Variants in TENM3 observed in about 807,000 individuals in gnomAD.
TENM3 encodes teneurin transmembrane protein 3.
A neutral mutation model predicts 255.1 loss-of-function variants in TENM3; 63 were observed. That is an observed-to-expected ratio of 0.25 (90% confidence interval 0.20 to 0.30). The LOEUF is 0.30. Ranked by LOEUF, TENM3 falls within the 10% of genes least tolerant of loss-of-function variation. TENM3 has a pLI of 1.00. For synonymous variants in TENM3, 1,306 were observed against 1,322.3 expected (o/e 0.99, Z 0.27); for missense variants, 2,929 against 3,461.1 (o/e 0.85, Z 3.86).
At chr4:181,865,691 T>A in the TENM3 span, among the ~76,000 whole-genome samples, 7 of 152,234 alleles carry the variant, frequency 4.6e-5, no homozygotes, top group Non-Finnish European at 8.8e-5. Context: ...TTTTCCACTC[T>A]GTCTATTTTC....
chr4:182,450,543 A>T (rs1025767441), intron 3 of TENM3, among the ~76,000 whole-genome samples: 15 of 152,224 alleles, frequency 9.9e-5, no homozygotes, highest in Admixed American at 6.5e-5. Context: ...TGATTTACAC[A>T]ATGTGATGAT....
chr4:182,366,781 T>TA (rs34038961), intron 3 of TENM3, among the ~76,000 whole-genome samples: 44 of 152,036 alleles, frequency 2.9e-4, no homozygotes, highest in Non-Finnish European at 1.9e-4. Context: ...TTAGACACTG[T>TA]AAAAAAAATG....
chr4:182,043,977 G>A, the TENM3 span, among the ~76,000 whole-genome samples: 2 of 152,032 alleles, frequency 1.3e-5, no homozygotes, highest in Non-Finnish European at 2.9e-5. Context: ...TTCCCACACT[G>A]GAAGCTTCTC....
intron 1 of TENM3, among the ~76,000 whole-genome samples, chr4:182,299,563 C>A (rs1210471642): frequency 6.6e-6 from 1 of 152,182 alleles, no homozygotes; most frequent in Non-Finnish European, 1.5e-5. Context: ...GCATCAAGGT[C>A]ACAGAAATTA....
the TENM3 span, among the ~76,000 whole-genome samples, chr4:181,479,808 C>A: frequency 6.6e-6 from 1 of 152,050 alleles, no homozygotes; most frequent in South Asian, 2.1e-4. Context: ...AGTTCAGTTC[C>A]TTCAGCTATC....
the TENM3 span, among the ~76,000 whole-genome samples, chr4:182,065,939 G>T: frequency 6.6e-6 from 1 of 152,234 alleles, no homozygotes; most frequent in Non-Finnish European, 1.5e-5. Context: ...TTTGGCTGTT[G>T]TTAACAGTGC....
the TENM3 span, among the ~76,000 whole-genome samples, chr4:181,869,488 A>G: frequency 1.3e-5 from 2 of 152,126 alleles, no homozygotes; most frequent in Non-Finnish European, 2.9e-5. Context: ...TAAAATTGGT[A>G]TTAAATAATT....
At chr4:181,789,629 A>C in the TENM3 span, among the ~76,000 whole-genome samples, 2 of 152,088 alleles carry the variant, frequency 1.3e-5, no homozygotes, top group Non-Finnish European at 2.9e-5. Context: ...GGAGCTGGTG[A>C]CCAGAAAGAC....
At chr4:182,553,657 A>G (rs1742298414) in intron 3 of TENM3, among the ~76,000 whole-genome samples, 1 of 152,170 alleles carries the variant, frequency 6.6e-6, no homozygotes. Context: ...GCTAGGGACG[A>G]TGTCTACTAA....
At position 182,518,658 on chromosome 4, in the gene TENM3, C is replaced by T. The variant is rs1738248407; in HGVS notation, c.512-82266C>T. Among the ~76,000 whole-genome samples, 2 of 152,166 alleles carry T rather than the reference C, an allele frequency of 1.3e-5. 1 individual carries two copies. Among genetic ancestry groups the T allele is most frequent in the East Asian group, 3.9e-4 (2 of 5,172 alleles). Reference sequence around the variant, plus strand: ...GATGAATTGCAAGGAAATCCCCAAACTCTAGATGAGAACTGCAGCTCAGCT... The same window carrying T: ...GATGAATTGCAAGGAAATCCCCAAATTCTAGATGAGAACTGCAGCTCAGCT... On this transcript the variant is annotated intron_variant, in intron 3 of 27. Coordinates refer to ENST00000511685, the MANE Select transcript of TENM3 (RefSeq NM_001080477.4).
At chr4:181,450,992 G>A in the TENM3 span, among the ~76,000 whole-genome samples, 2 of 152,218 alleles carry the variant, frequency 1.3e-5, no homozygotes, top group East Asian at 1.9e-4. Context: ...AGGTGTTGGG[G>A]GTCATGGAGC....
chr4:182,152,236 C>G (rs1750400910), intron 1 of TENM3, among the ~76,000 whole-genome samples: 1 of 151,808 alleles, frequency 6.6e-6, no homozygotes, highest in South Asian at 2.1e-4. Flanking sequence ...GATGTTATCC[C>G]TCAAATTTAA....
At chr4:182,005,282 C>T in the TENM3 span, among the ~76,000 whole-genome samples, 2 of 152,182 alleles carry the variant, frequency 1.3e-5, no homozygotes, top group African/African-American at 4.8e-5. Context: ...CAGTTTTCTG[C>T]ATAGGGGTAG....
chr4:182,207,860 T>C (rs1455126024), intron 1 of TENM3, among the ~76,000 whole-genome samples: 1 of 152,228 alleles, frequency 6.6e-6, no homozygotes, highest in Non-Finnish European at 1.5e-5. Flanking sequence ...CTGCCTTTGG[T>C]ACCTTCTTTT....
chr4:181,964,614 G>A, the TENM3 span, among the ~76,000 whole-genome samples: 1 of 151,686 alleles, frequency 6.6e-6, no homozygotes, highest in South Asian at 2.1e-4. Context: ...TAGCCATTCT[G>A]ATCTCAAATT....
chr4:182,754,754 G>C lies in TENM3; in HGVS notation c.4387G>C (p.Asp1463His). ...CAACTGTGACTGTTACCAGAGTGGA[G>C]ATGGCTACGCCAAGGATGCCAAACT... Reference protein sequence around the residue: ...DANCDCYQSGDGYAKDAKLSA... With the variant: ...DANCDCYQSGHGYAKDAKLSA... The change falls in exon 22 of 28, where the codon GAT (aspartate) becomes CAT (histidine). Residue 1463 changes from aspartate to histidine, a missense_variant. Physicochemically the swap from Asp to His is moderately conservative, Grantham distance 81. Around this residue, in one of 6 missense-constraint regions of TENM3, gnomAD observed 1,608 missense variants for 1,884.4 expected, o/e 0.85. Coordinates refer to ENST00000511685, the MANE Select transcript of TENM3 (RefSeq NM_001080477.4). This position sits in a 1 kb window ranked among gnomAD's most constrained non-coding sequence, Gnocchi z 5.1. The C allele has an allele frequency of 6.2e-7, 1 of 1,614,100 alleles. No homozygotes were observed. Among genetic ancestry groups the C allele is most frequent in the Non-Finnish European group, 8.5e-7 (1 of 1,179,912 alleles).
In TENM3 at chr4:182,800,543, A is replaced by G. The variant is rs1195176934; in HGVS notation, c.*192A>G. ...CCTTAAAGGTGATCGGCTTTAACGA[A>G]TATGTTTACATATGCATAGCGCTGC... On this transcript the variant is annotated 3_prime_UTR_variant, in exon 28 of 28. Transcript: ENST00000511685. The G allele has an allele frequency of 1.6e-5, 10 of 607,430 alleles. No individual in the cohort carries two copies. Among genetic ancestry groups the G allele is most frequent in the East Asian group, 1.6e-4 (5 of 31,064 alleles). The allele number at this position is 607,430 out of a possible 1,614,324, so 37.6% of individuals were successfully genotyped here.
At chr4:182,199,191 C>T (rs1331855062) in intron 1 of TENM3, among the ~76,000 whole-genome samples, 2 of 152,106 alleles carry the variant, frequency 1.3e-5, no homozygotes, top group Non-Finnish European at 2.9e-5. Context: ...AGGCCGGGCA[C>T]GGTGGCTCAC....
At position 182,383,114 on chromosome 4, in the gene TENM3, C is replaced by T. The variant is rs115542238; in HGVS notation, c.511+36185C>T. ...TATGGAACGAGTGGGGATTTACAGC[C>T]AAAGAACAGGTGTGGAGTCGGGGTG... On this transcript the variant is annotated intron_variant, in intron 3 of 27. Coordinates refer to ENST00000511685, the MANE Select transcript of TENM3 (RefSeq NM_001080477.4). Among the ~76,000 whole-genome samples the T allele has an allele frequency of 3.1e-3, 471 of 152,210 alleles. 1 individual carries two copies. Among genetic ancestry groups the T allele is most frequent in the African/African-American group, 0.011 (453 of 41,534 alleles).
Sources: allele counts gnomAD v4.1 joint callset (sites outside exome capture counted in the v4.1 genomes callset), GRCh38; gene constraint gnomAD v4.1.1; regional missense constraint gnomAD v4.1.1; non-coding constraint Gnocchi (gnomAD v3.1); transcripts MANE v1.5; gene names NCBI Gene and HGNC (gene_info 2026-07-23, HGNC 2026-07-21).